GIT1: variants seen among roughly 807,000 people sequenced by gnomAD.
GIT1 encodes the protein ARF GTPase-activating protein GIT1.
In GIT1, 14 loss-of-function variants were observed where a neutral mutation model predicts 91.7. That is an observed-to-expected ratio of 0.15 (90% CI 0.10 to 0.24). The LOEUF (loss-of-function observed/expected upper bound fraction) is 0.24. Ranked by LOEUF, GIT1 falls within the 10% of genes least tolerant of loss-of-function variation. The pLI, the probability that GIT1 is intolerant of heterozygous loss-of-function variation, is 1.00. For synonymous variants in GIT1, 414 were observed against 418.2 expected (o/e 0.99, Z 0.12); for missense variants, 717 against 1,024.9 (o/e 0.70, Z 4.10).
chr17:29,577,613 A>C (rs763553118), intron 10 of GIT1, 32 bp downstream of exon 10: 2 of 1,394,362 alleles, frequency 1.4e-6, no homozygotes, highest in Admixed American at 3.3e-5. Context: ...GATGAAGTAG[A>C]CCACCCCAGG....
Position 29,576,776 on chromosome 17 carries a change from C to T in GIT1, c.1227+87G>A, listed in dbSNP as rs1175476329. 8 of 1,576,966 alleles carry T rather than the reference C, an allele frequency of 5.1e-6. No homozygotes were observed. The South Asian group carries it at 7.9e-5, about 16-fold the overall frequency. On this transcript the variant is annotated intron_variant, in intron 12 of 19. Coordinates refer to ENST00000225394, the MANE Select transcript of GIT1 (RefSeq NM_014030.4). ...AGGAGCAGCCCACCTGTCCCTCAGG[C>T]CCCTGGGCTACAAGAGGACAGAGCT...
Position 29,576,624 on chromosome 17 carries a change from G to A in GIT1, c.1278C>T (p.Tyr426=). Residue 426 remains tyrosine (Y), a synonymous_variant, in exon 13 of 20, where the codon TAC becomes TAT. Coordinates refer to ENST00000225394, the MANE Select transcript of GIT1 (RefSeq NM_014030.4). ...LSDGAVTLQE[Y]LELKKALATS... is the part of the protein sequence containing the mutation. ...TAGCCAGGGCCTTCTTCAGCTCCAG[G>A]TACTCCTGCAGCGTCACAGCCCCGT... 6.2e-7 allele frequency: 1 copy of A among 1,614,012 alleles called. No individual in the cohort carries two copies. Among genetic ancestry groups the A allele is most frequent in the Non-Finnish European group, 8.5e-7 (1 of 1,179,986 alleles).
chr17:29,578,172 G>T, intron 9 of GIT1, 127 bp downstream of exon 9: 1 of 778,252 alleles, frequency 1.3e-6, no homozygotes, highest in East Asian at 2.5e-5. Context: ...CAGCCAGCAG[G>T]GGCTCATCTG....
Position 29,583,515 on chromosome 17 carries a change from G to C in GIT1, c.154C>G (p.Arg52Gly). Reference sequence around the variant, plus strand: ...AGCGTGGGAGGCCAGGCGCTGTGGCGAAGGTGCTTGACAATGGAGATGTGG... The same window carrying C: ...AGCGTGGGAGGCCAGGCGCTGTGGCCAAGGTGCTTGACAATGGAGATGTGG... ...GRHISIVKHL[R>G]HSAWPPTLLQ... Residue 52 changes from arginine to glycine, a missense_variant, in exon 2 of 20, where the codon CGC becomes GGC. Arg to Gly is a moderately radical substitution (Grantham distance 125). Transcript: ENST00000225394. The C allele has an allele frequency of 6.2e-7, 1 of 1,612,454 alleles. No individual in the cohort carries two copies. Among genetic ancestry groups the C allele is most frequent in the Non-Finnish European group, 8.5e-7 (1 of 1,179,940 alleles).
chr17:29,582,811 G>A lies in GIT1; in HGVS notation c.300-8C>T. On this transcript the variant is annotated splice_polypyrimidine_tract_variant and splice_region_variant and intron_variant, in intron 3 of 19. Transcript: ENST00000225394. ...AACTCTGACTTGATGGGGCTGCATG[G>A]GGCACACAGGAGGAATGGGGAGCAT... 6.2e-7 allele frequency: 1 copy of A among 1,608,436 alleles called. No homozygotes were observed. Among genetic ancestry groups the A allele is most frequent in the Non-Finnish European group, 8.5e-7 (1 of 1,175,340 alleles).
intron 9 of GIT1, among the ~76,000 whole-genome samples, 181 bp downstream of exon 9, chr17:29,578,118 C>T (rs373827507): frequency 5.5e-4 from 84 of 152,286 alleles, no homozygotes; most frequent in African/African-American, 1.9e-3. Context: ...GCCGCCTCCC[C>T]CTCAGCACTC....
At chr17:29,587,170 A>G (rs1009163084) in intron 1 of GIT1, among the ~76,000 whole-genome samples, 3 of 152,122 alleles carry the variant, frequency 2.0e-5, no homozygotes, top group Non-Finnish European at 4.4e-5. Context: ...TGGACTCCGG[A>G]CTGCTGGGTA....
chr17:29,587,230 C>T (rs189649554), intron 1 of GIT1, among the ~76,000 whole-genome samples: 6 of 152,234 alleles, frequency 3.9e-5, no homozygotes, highest in Non-Finnish European at 7.4e-5. Flanking sequence ...CCAAACATGC[C>T]GCTGCATGCC....
In GIT1 at chr17:29,578,729, AC is replaced by A; in HGVS notation, c.810+1del. Reference sequence around the variant, plus strand: ...GTCAGGGCACTGTTGGAGCAGACTTACCGCCTGCAGCTTCTTCTTAGCAGCT... The same window carrying A: ...GTCAGGGCACTGTTGGAGCAGACTTACGCCTGCAGCTTCTTCTTAGCAGCT... On this transcript the variant is annotated splice_donor_variant, in intron 8 of 19. Transcript: ENST00000225394. LOFTEE classifies it high-confidence loss of function. The A allele has an allele frequency of 6.2e-7, 1 of 1,613,006 alleles. No homozygotes were observed. Among genetic ancestry groups the A allele is most frequent in the Non-Finnish European group, 8.5e-7 (1 of 1,178,954 alleles).
At position 29,575,947 on chromosome 17, in the gene GIT1, C is replaced by T. The variant is rs201348527; in HGVS notation, c.1666-49G>A. Reference sequence around the variant, plus strand: ...TGGAGTCAGTGTGCCCCACTGCCCCCCTGCTCACCAGCAGTGCAGCAGGGA... The same window carrying T: ...TGGAGTCAGTGTGCCCCACTGCCCCTCTGCTCACCAGCAGTGCAGCAGGGA... On this transcript the variant is annotated intron_variant, in intron 15 of 19. Transcript: ENST00000225394. The surrounding 1 kb of genome is among the most constrained non-coding windows in gnomAD (Gnocchi z 5.5). The T allele has an allele frequency of 1.5e-5, 23 of 1,547,840 alleles. No homozygotes were observed. In the South Asian group the frequency reaches 2.5e-4, roughly 17 times the overall value.
At chr17:29,585,759 G>A (rs1234408367) in intron 1 of GIT1, among the ~76,000 whole-genome samples, 2 of 152,146 alleles carry the variant, frequency 1.3e-5, no homozygotes, top group Admixed American at 6.5e-5. Context: ...AAGGTGAAGG[G>A]ATCCTTGCGT....
In GIT1 at chr17:29,578,568, CT is replaced by C. The variant is rs2033293522; in HGVS notation, c.810+162del. 2.0e-5 allele frequency among the ~76,000 whole-genome samples: 3 copies of C among 152,248 alleles called. No individual in the cohort carries two copies. In the South Asian group the frequency reaches 6.2e-4, roughly 32 times the overall value. ...GGGAGAGAAGGGACCAGTCCATCCC[CT>C]TGTAGGGAGGTCAGGGAGAGGGGAC... On this transcript the variant is annotated intron_variant, in intron 8 of 19. Transcript: ENST00000225394.
chr17:29,581,161 CA>C lies in GIT1; in HGVS notation c.761+176del. 1.6e-6 allele frequency: 1 copy of C among 625,710 alleles called. No homozygotes were observed. Among genetic ancestry groups the C allele is most frequent in the Non-Finnish European group, 2.9e-6 (1 of 347,004 alleles). 38.8% of individuals were successfully genotyped at this position (625,710 alleles called of 1,614,324 possible). ...CTATGCGGGCCACATATGGAGCTGA[CA>C]TTTTTTACCTGCCTTGGGGCCCAGC... On this transcript the variant is annotated intron_variant, in intron 7 of 19. Transcript: ENST00000225394. This position sits in a 1 kb window ranked among gnomAD's most constrained non-coding sequence, Gnocchi z 4.8.
At chr17:29,578,703 T>C (rs752535464) in intron 8 of GIT1, 28 bp downstream of exon 8, 1 of 1,600,778 alleles carries the variant, frequency 6.2e-7, no homozygotes, top group Non-Finnish European at 8.6e-7. Context: ...CAGCTTCAAG[T>C]GTCAGGGCAC....
rs773982835 is a variant in GIT1, at chr17:29,574,931, T to C, written c.2074-17A>G. ...GGCTGGCCTCTGGAGGGGGCAGGAG[T>C]GAGGCTGGACCTTGGACTTTAAGCC... is the stretch of plus-strand genomic sequence containing the variant. On this transcript the variant is annotated splice_polypyrimidine_tract_variant and intron_variant, in intron 19 of 19. Transcript: ENST00000225394. 1 of 1,546,942 alleles carries C rather than the reference T, an allele frequency of 6.5e-7. No individual in the cohort carries two copies. Among genetic ancestry groups the C allele is most frequent in the Admixed American group, 1.9e-5 (1 of 51,766 alleles).
intron 1 of GIT1, among the ~76,000 whole-genome samples, chr17:29,587,844 C>T (rs2033644101): frequency 6.6e-6 from 1 of 152,180 alleles, no homozygotes; most frequent in African/African-American, 2.4e-5. Context: ...ACATTCCATG[C>T]CATGCTTACC....
At chr17:29,578,634 A>T in intron 8 of GIT1, 97 bp downstream of exon 8, 1 of 1,130,070 alleles carries the variant, frequency 8.8e-7, no homozygotes, top group Non-Finnish European at 1.4e-6. Context: ...GACTTGGAAA[A>T]GGTCATCGAG....
chr17:29,575,253 A>G lies in GIT1; in HGVS notation c.2009+35T>C, dbSNP rs1448453890. 6.3e-7 allele frequency: 1 copy of G among 1,587,612 alleles called. No individual in the cohort carries two copies. Among genetic ancestry groups the G allele is most frequent in the South Asian group, 1.1e-5 (1 of 88,154 alleles). ...TGCAACACCCTAGAAGCCAACAGGA[A>G]CTGCATCCCCCTCACCTCCCCCTCC... is the stretch of plus-strand genomic sequence containing the variant. On this transcript the variant is annotated intron_variant, in intron 18 of 19. Coordinates refer to ENST00000225394, the MANE Select transcript of GIT1 (RefSeq NM_014030.4). The surrounding 1 kb of genome is among the most constrained non-coding windows in gnomAD (Gnocchi z 5.5).
intron 7 of GIT1, among the ~76,000 whole-genome samples, chr17:29,579,977 C>G (rs570949194): frequency 4.5e-4 from 68 of 152,262 alleles, no homozygotes; most frequent in Admixed American, 1.4e-3. Flanking sequence ...CGTCTCTATC[C>G]CAGTCTTGCT....
Sources: gnomAD v4.1 joint callset for allele counts (sites outside exome capture counted in the v4.1 genomes callset) on GRCh38, gnomAD v4.1.1 for gene constraint, Gnocchi (gnomAD v3.1) non-coding constraint, MANE v1.5 for transcripts, NCBI Gene and HGNC (gene_info 2026-07-23, HGNC 2026-07-21) for gene names.